DRD2: variants seen among roughly 807,000 people sequenced by gnomAD.
The protein encoded by DRD2 is D(2) dopamine receptor.
DRD2 carries 8 observed loss-of-function variants against 38.0 expected under a neutral mutation model. The observed-to-expected ratio is 0.21, with a 90% CI of 0.12 to 0.38. The LOEUF (loss-of-function observed/expected upper bound fraction) is 0.38. Ranked by LOEUF, DRD2 falls within the 10% of genes least tolerant of loss-of-function variation. The pLI is 1.00. For missense variants in DRD2, 403 were observed against 607.7 expected, an observed-to-expected ratio of 0.66 and a Z score of 3.54; for synonymous variants, 230 against 238.6, an observed-to-expected ratio of 0.96 and a Z score of 0.33.
chr11:113,420,345 C>T (rs1381432672), intron 2 of DRD2, among the ~76,000 whole-genome samples: 1 of 152,208 alleles, frequency 6.6e-6, no homozygotes, highest in Non-Finnish European at 1.5e-5. Flanking sequence ...TTAAATCTCT[C>T]CTTGCACTGG....
At chr11:113,418,896 C>A (rs1158954988) in intron 2 of DRD2, among the ~76,000 whole-genome samples, 3 of 152,218 alleles carry the variant, frequency 2.0e-5, no homozygotes, top group Non-Finnish European at 2.9e-5. Flanking sequence ...TGCTGCTTCC[C>A]CCTGCACCCC....
chr11:113,470,780 C>A (rs997743985), intron 1 of DRD2, among the ~76,000 whole-genome samples: 1 of 152,224 alleles, frequency 6.6e-6, no homozygotes, highest in Non-Finnish European at 1.5e-5. Context: ...AGTTTCCAGG[C>A]TTCTGAGTTC....
At chr11:113,432,552 A>G (rs1950997839) in intron 1 of DRD2, among the ~76,000 whole-genome samples, 1 of 152,170 alleles carries the variant, frequency 6.6e-6, no homozygotes, top group African/African-American at 2.4e-5. Context: ...GGCGGGTGAG[A>G]CACTCCTGTC....
chr11:113,436,806 A>G, intron 1 of DRD2, among the ~76,000 whole-genome samples: 1 of 152,166 alleles, frequency 6.6e-6, no homozygotes. Context: ...CATCCCTAAG[A>G]AAACAGATGG....
In DRD2 at chr11:113,459,671, T is replaced by C. The variant is rs777414497; in HGVS notation, c.-32+15405A>G. Among the ~76,000 whole-genome samples the C allele has an allele frequency of 6.0e-4, 92 of 152,284 alleles. 1 individual carries two copies. Among genetic ancestry groups the C allele is most frequent in the Middle Eastern group, 3.4e-3 (1 of 294 alleles). On this transcript the variant is annotated intron_variant, in intron 1 of 7. Coordinates refer to ENST00000362072, the MANE Select transcript of DRD2 (RefSeq NM_000795.4). ...GGGGAGATGGAGAGAGGTTGGTTAATAGATACAAAAATTCAGTTAGATGGA... is the reference window on the plus strand; with the variant it reads ...GGGGAGATGGAGAGAGGTTGGTTAACAGATACAAAAATTCAGTTAGATGGA...
At chr11:113,450,317 GC>G (rs1424832125) in intron 1 of DRD2, among the ~76,000 whole-genome samples, 5 of 152,152 alleles carry the variant, frequency 3.3e-5, no homozygotes, top group African/African-American at 7.2e-5. Flanking sequence ...ACATTGTTGT[GC>G]TTTTTGAAGG....
rs558452575 is a variant in DRD2 at position 113,450,567 on chromosome 11, C to A, written c.-32+24509G>T. Among the ~76,000 whole-genome samples, 10 of 152,330 alleles carry A rather than the reference C, an allele frequency of 6.6e-5. No individual in the cohort carries two copies. The East Asian group carries it at 1.9e-3, about 29-fold the overall frequency. On this transcript the variant is annotated intron_variant, in intron 1 of 7. Transcript: ENST00000362072. ...AAGCAGTTAATAAAATAGTCTGAGA[C>A]CAACAGTGTTGGCTAGGTGATCATG...
intron 1 of DRD2, among the ~76,000 whole-genome samples, chr11:113,464,504 GC>G (rs1951350577): frequency 6.6e-6 from 1 of 152,126 alleles, no homozygotes; most frequent in Non-Finnish European, 1.5e-5. Flanking sequence ...TTCAACTCCA[GC>G]CCAAGTTGTG....
At chr11:113,455,886 C>T (rs1030494290) in intron 1 of DRD2, among the ~76,000 whole-genome samples, 1 of 152,088 alleles carries the variant, frequency 6.6e-6, no homozygotes, top group Admixed American at 6.6e-5. Context: ...GCAGGTTCCT[C>T]AAAAAACTAA....
rs1288496056 is a variant in DRD2, at chr11:113,416,929, T to C, written c.466A>G (p.Ile156Val). 4 of 1,614,026 alleles carry C rather than the reference T, an allele frequency of 2.5e-6. No individual in the cohort carries two copies. The highest frequency in any genetic ancestry group is 3.3e-4 in the Middle Eastern group (2 of 6,084). Residue 156 changes from isoleucine (I) to valine (V), a missense_variant, in exon 4 of 8, where the codon ATC becomes GTC. Ile to Val is a conservative substitution (Grantham distance 29, BLOSUM62 3). Transcript: ENST00000362072. Reference sequence around the variant, plus strand: ...AAGGACAGGACCCAGACGATGGAGATCATGACGGTGACCCGGCGCTTGGAG... The same window carrying C: ...AAGGACAGGACCCAGACGATGGAGACCATGACGGTGACCCGGCGCTTGGAG... ...YSSKRRVTVM[I>V]SIVWVLSFTI...
At chr11:113,445,196 A>T (rs543564534) in intron 1 of DRD2, among the ~76,000 whole-genome samples, 115 of 152,314 alleles carry the variant, frequency 7.6e-4, no homozygotes, top group African/African-American at 2.6e-3. Context: ...TGACAACCAA[A>T]CCATGTGGGA....
intron 1 of DRD2, among the ~76,000 whole-genome samples, chr11:113,463,876 G>A (rs1310044343): frequency 6.6e-6 from 1 of 151,984 alleles, no homozygotes; most frequent in Non-Finnish European, 1.5e-5. Flanking sequence ...GGAAAATTGG[G>A]GAAGCCTCCC....
In DRD2 at chr11:113,410,676, G is replaced by A. The variant is rs1228537324; in HGVS notation, c.*51C>T. On this transcript the variant is annotated 3_prime_UTR_variant, in exon 8 of 8. Transcript: ENST00000362072. Reference sequence around the variant, plus strand: ...ACGGTTCGCAAGGGTGAGGCTGGCCGGCCTGGGCAGGGAGGTGGGAAGCAG... The same window carrying A: ...ACGGTTCGCAAGGGTGAGGCTGGCCAGCCTGGGCAGGGAGGTGGGAAGCAG... 3.1e-6 allele frequency: 5 copies of A among 1,611,296 alleles called. No homozygotes were observed. The highest frequency in any genetic ancestry group is 2.2e-5 in the East Asian group (1 of 44,870).
chr11:113,443,576 T>C (rs1035060504), intron 1 of DRD2, among the ~76,000 whole-genome samples: 1 of 152,228 alleles, frequency 6.6e-6, no homozygotes, highest in African/African-American at 2.4e-5. Flanking sequence ...CCGCACACCA[T>C]ATGTTCCCTT....
chr11:113,445,473 G>C (rs1328486817), intron 1 of DRD2, among the ~76,000 whole-genome samples: 2 of 152,158 alleles, frequency 1.3e-5, no homozygotes, highest in Admixed American at 6.5e-5. Context: ...CCGATACCCA[G>C]GTATCTGTGT....
At chr11:113,423,624 C>A (rs1390303619) in intron 2 of DRD2, among the ~76,000 whole-genome samples, 1 of 152,102 alleles carries the variant, frequency 6.6e-6, no homozygotes. Flanking sequence ...CCAGGGTTAC[C>A]AAGAGTATTC....
Position 113,424,595 on chromosome 11 carries a change from G to A in DRD2, c.57C>T (p.Ser19=). The part of the protein sequence containing the change: ...YDDDLERQNW[S]RPFNGSDGKA... ...TCCCGTCTGACCCGTTGAAGGGCCG[G>A]CTCCAGTTCTGCCTCTCCAGATCAT... is the stretch of plus-strand genomic sequence containing the variant. Residue 19 remains serine (S), a synonymous_variant, in exon 2 of 8, where the codon AGC becomes AGT. Transcript: ENST00000362072. 3 of 1,614,212 alleles carry A rather than the reference G, an allele frequency of 1.9e-6. No homozygotes were observed. Among genetic ancestry groups the A allele is most frequent in the East Asian group, 2.2e-5 (1 of 44,884 alleles).
Position 113,410,614 on chromosome 11 carries a change from G to T in DRD2, c.*113C>A. 1 of 1,345,736 alleles carries T rather than the reference G, an allele frequency of 7.4e-7. No individual in the cohort carries two copies. 83.4% of individuals were successfully genotyped at this position (1,345,736 alleles called of 1,614,324 possible). On this transcript the variant is annotated 3_prime_UTR_variant, in exon 8 of 8. Transcript: ENST00000362072. The stretch of plus-strand genomic sequence containing the variant: ...AGCGAACACTGCAGGGCCTGCCGGG[G>T]TGAAGAGGAGGCCGATCCACCCAGG...
At chr11:113,421,130 C>A (rs1257613336) in intron 2 of DRD2, among the ~76,000 whole-genome samples, 1 of 152,198 alleles carries the variant, frequency 6.6e-6, no homozygotes, top group Non-Finnish European at 1.5e-5. Flanking sequence ...CTCCCTCTCC[C>A]TGCTGGGTGG....
Sources: gnomAD v4.1 joint callset for allele counts (sites outside exome capture counted in the v4.1 genomes callset) on GRCh38, gnomAD v4.1.1 for gene constraint, MANE v1.5 for transcripts, NCBI Gene and HGNC (gene_info 2026-07-23, HGNC 2026-07-21) for gene names.